ARID2: variants seen among roughly 807,000 people sequenced by gnomAD.
The protein encoded by ARID2 is AT-rich interactive domain-containing protein 2.
ARID2 carries 32 observed loss-of-function variants against 184.6 expected under a neutral mutation model. That is an observed-to-expected ratio of 0.17 (90% CI 0.13 to 0.23). The LOEUF is 0.23. Among genes scored for constraint, ARID2 ranks in the 10% least tolerant of loss-of-function variants. The pLI is 1.00. For missense variants in ARID2, 1,696 were observed against 2,197.6 expected, an observed-to-expected ratio of 0.77 and a Z score of 4.56; for synonymous variants, 836 against 772.6, an observed-to-expected ratio of 1.08 and a Z score of -1.36.
At chr12:45,828,941 A>G (rs958915844) in intron 6 of ARID2, among the ~76,000 whole-genome samples, 4 of 151,970 alleles carry the variant, frequency 2.6e-5, no homozygotes, top group African/African-American at 4.8e-5. Flanking sequence ...GTAGTTTAAC[A>G]TCAATTTTTC....
intron 3 of ARID2, among the ~76,000 whole-genome samples, chr12:45,735,416 A>ATCGT (rs1409153823): frequency 8.5e-6 from 1 of 117,686 alleles, no homozygotes; most frequent in Admixed American, 9.4e-5. Flanking sequence ...TATAAACTGT[A>ATCGT]TCGTGTGTGT....
At chr12:45,871,749 T>A (rs774408007) in intron 16 of ARID2, among the ~76,000 whole-genome samples, 3 of 152,190 alleles carry the variant, frequency 2.0e-5, no homozygotes, top group African/African-American at 7.2e-5. Flanking sequence ...CCTGGTACTT[T>A]CTGTTTTGAA....
intron 3 of ARID2, among the ~76,000 whole-genome samples, chr12:45,801,673 G>A (rs1225503310): frequency 5.3e-5 from 8 of 152,022 alleles, no homozygotes; most frequent in Admixed American, 1.3e-4. Context: ...AAATAAACCC[G>A]AATTGCAGGA....
At chr12:45,734,642 G>A (rs780550605) in intron 3 of ARID2, among the ~76,000 whole-genome samples, 1 of 151,550 alleles carries the variant, frequency 6.6e-6, no homozygotes, top group South Asian at 2.1e-4. Flanking sequence ...TGTTCATGAC[G>A]TGTTCAATAA....
intron 3 of ARID2, among the ~76,000 whole-genome samples, chr12:45,803,562 C>T (rs1027665270): frequency 1.3e-5 from 2 of 152,086 alleles, no homozygotes; most frequent in African/African-American, 4.8e-5. Flanking sequence ...ACAGCATTAA[C>T]CTAGGACAAG....
In ARID2 at chr12:45,849,673, T is replaced by A. The variant is rs2138157027; in HGVS notation, c.1809T>A (p.Ala603=). ...HIHVVGVKRR[A]IPLPIQMYYQ... The stretch of plus-strand genomic sequence containing the variant: ...ATGTGGTAGGAGTAAAACGGAGGGC[T>A]ATACCACTTCCCATTCAGATGTACT... Residue 603 remains alanine (A), a synonymous_variant, in exon 14 of 21, where the codon GCT becomes GCA. Transcript: ENST00000334344. 1 of 1,613,962 alleles carries A rather than the reference T, an allele frequency of 6.2e-7. No homozygotes were observed. Among genetic ancestry groups the A allele is most frequent in the Non-Finnish European group, 8.5e-7 (1 of 1,179,860 alleles).
At position 45,904,196 on chromosome 12, in the gene ARID2, A is replaced by T. The variant is rs527868245; in HGVS notation, c.5364-738A>T. 1.8e-5 allele frequency: 10 copies of T among 540,546 alleles called. No individual in the cohort carries two copies. The South Asian group carries it at 2.2e-4, about 12-fold the overall frequency. The allele number at this position is 540,546 out of a possible 1,614,324, so 33.5% of individuals were successfully genotyped here. ...TAATGGGGCATTTAGGATATAGTTA[A>T]GCTAGATGTGGCTTGGTTTCACTTA... On this transcript the variant is annotated intron_variant, in intron 20 of 20. Transcript: ENST00000334344.
chr12:45,775,231 C>A (rs1941953569), intron 3 of ARID2, among the ~76,000 whole-genome samples: 1 of 152,290 alleles, frequency 6.6e-6, no homozygotes, highest in East Asian at 1.9e-4. Context: ...AGCTGACAAC[C>A]AGAATGTCTA....
At chr12:45,888,247 AT>A (rs886106327) in intron 16 of ARID2, among the ~76,000 whole-genome samples, 1 of 152,032 alleles carries the variant, frequency 6.6e-6, no homozygotes, top group Non-Finnish European at 1.5e-5. Flanking sequence ...AGTAATAAGC[AT>A]TTTTTTCAGA....
At chr12:45,871,262 T>G (rs1291078352) in intron 16 of ARID2, among the ~76,000 whole-genome samples, 1 of 152,232 alleles carries the variant, frequency 6.6e-6, no homozygotes, top group African/African-American at 2.4e-5. Context: ...TTTTGGTGGG[T>G]GTCTATTCAG....
chr12:45,836,249 G>A (rs145171921), intron 6 of ARID2, among the ~76,000 whole-genome samples: 290 of 152,006 alleles, frequency 1.9e-3, no homozygotes, highest in African/African-American at 5.3e-3. Context: ...TCACTCTTCC[G>A]CCCAGGCTGG....
At chr12:45,873,274 A>C (rs918555287) in intron 16 of ARID2, among the ~76,000 whole-genome samples, 1 of 152,182 alleles carries the variant, frequency 6.6e-6, no homozygotes, top group Non-Finnish European at 1.5e-5. Context: ...TTATTTTAAC[A>C]ATACATAGTT....
rs146198156 is a variant in ARID2 at position 45,777,932 on chromosome 12, C to G, written c.285-33486C>G. On this transcript the variant is annotated intron_variant, in intron 3 of 20. Coordinates refer to ENST00000334344, the MANE Select transcript of ARID2 (RefSeq NM_152641.4). Reference sequence around the variant, plus strand: ...TAAGAATGGTTAAAACCGGCCAGGCCCAGTGGCTCACGCCTGTAATCCCAG... The same window carrying G: ...TAAGAATGGTTAAAACCGGCCAGGCGCAGTGGCTCACGCCTGTAATCCCAG... Among the ~76,000 whole-genome samples, 1,171 of 151,674 alleles carry G rather than the reference C, an allele frequency of 7.7e-3. 19 individuals carry two copies. Among genetic ancestry groups the G allele is most frequent in the South Asian group, 0.067 (324 of 4,808 alleles).
rs928610923 is a variant in ARID2, at chr12:45,906,861, G to C, written c.*1783G>C. 24 of 232,074 alleles carry C rather than the reference G, an allele frequency of 1.0e-4. No individual in the cohort carries two copies. Among genetic ancestry groups the C allele is most frequent in the African/African-American group, 4.2e-4 (19 of 45,284 alleles). The allele number at this position is 232,074 out of a possible 1,614,324, so 14.4% of individuals were successfully genotyped here. A position where few individuals can be genotyped will look rare whatever the true frequency, so the allele number is the denominator to read the frequency against. ...ATTTGGCTAAAAGCTTTTATTGTTT[G>C]ATGTTGTGTTTCTTGACTGTTTATT... On this transcript the variant is annotated 3_prime_UTR_variant, in exon 21 of 21. Transcript: ENST00000334344.
chr12:45,822,305 A>G (rs1381745446), intron 6 of ARID2, among the ~76,000 whole-genome samples: 1 of 152,120 alleles, frequency 6.6e-6, no homozygotes, highest in East Asian at 1.9e-4. Context: ...AGTTCAAGAC[A>G]AGCCTGAGCA....
chr12:45,863,904 C>G (rs1943793238), intron 16 of ARID2, among the ~76,000 whole-genome samples: 1 of 142,494 alleles, frequency 7.0e-6, no homozygotes, highest in Non-Finnish European at 1.5e-5. Context: ...GGCTTCTATG[C>G]AGTGGTGCTA....
intron 15 of ARID2, among the ~76,000 whole-genome samples, chr12:45,854,058 C>G (rs1208798274): frequency 6.6e-6 from 1 of 152,126 alleles, no homozygotes; most frequent in African/African-American, 2.4e-5. Flanking sequence ...AGATCAGTGG[C>G]AGCATTAGAT....
intron 11 of ARID2, among the ~76,000 whole-genome samples, chr12:45,846,565 C>T (rs997629713): frequency 6.6e-6 from 1 of 151,970 alleles, no homozygotes; most frequent in African/African-American, 2.4e-5. Flanking sequence ...GTGTCTTGCC[C>T]ATGGGAATAA....
chr12:45,785,962 A>G (rs1014920564), intron 3 of ARID2, among the ~76,000 whole-genome samples: 4 of 152,186 alleles, frequency 2.6e-5, no homozygotes, highest in African/African-American at 9.7e-5. Context: ...CCATGAAACC[A>G]TTCCCTGCTG....
Sources: gnomAD v4.1 joint callset for allele counts (sites outside exome capture counted in the v4.1 genomes callset) on GRCh38, gnomAD v4.1.1 for gene constraint, MANE v1.5 for transcripts, NCBI Gene and HGNC (gene_info 2026-07-23, HGNC 2026-07-21) for gene names.